The following MAK16 variants were observed in gnomAD, a reference collection of about 807,000 sequenced individuals.
MAK16 encodes protein MAK16 homolog.
MAK16 carries 12 observed loss-of-function variants against 49.9 expected under a neutral mutation model. That is an observed-to-expected ratio of 0.24 (90% CI 0.15 to 0.39). MAK16 has a LOEUF of 0.39. MAK16 is among the 10% of genes least tolerant of loss of function. The pLI is 1.00. For synonymous variants in MAK16, 115 were observed against 126.4 expected (o/e 0.91, Z 0.60); for missense variants, 292 against 363.7 (o/e 0.80, Z 1.60).
intron 6 of MAK16, among the ~76,000 whole-genome samples, chr8:33,492,864 G>GT (rs936895112): frequency 3.6e-4 from 53 of 147,484 alleles, no homozygotes; most frequent in Non-Finnish European, 4.7e-4. Context: ...TTTTTTTGTT[G>GT]TTTTTTTTTG....
chr8:33,495,478 C>A, intron 6 of MAK16, 64 bp from the exon 7 acceptor site: 1 of 1,370,880 alleles, frequency 7.3e-7, no homozygotes, highest in Non-Finnish European at 1.0e-6. Flanking sequence ...TAGTTTCTTC[C>A]ATTTTTATAA....
In MAK16 at chr8:33,489,069, A is replaced by G; in HGVS notation, c.322A>G (p.Lys108Glu). Residue 108 changes from lysine (K) to glutamate (E), a missense_variant, in exon 5 of 10, where the codon AAA becomes GAA. By Grantham distance (56) the Lys-to-Glu change is moderately conservative. Transcript: ENST00000360128. The surrounding 1 kb of genome is among the most constrained non-coding windows in gnomAD (Gnocchi z 4.2). ...TTACTGGCCCCGTTTCATTCGACAC[A>G]AATGTAAGCAGAGATTCACCAAGAT... is the stretch of plus-strand genomic sequence containing the variant. Reference protein sequence around the residue: ...LIYWPRFIRHKCKQRFTKITQ... With the variant: ...LIYWPRFIRHECKQRFTKITQ... 1 of 1,614,072 alleles carries G rather than the reference A, an allele frequency of 6.2e-7. No individual in the cohort carries two copies. The highest frequency in any genetic ancestry group is 8.5e-7 in the Non-Finnish European group (1 of 1,179,908).
rs983899729 is a variant in MAK16, at chr8:33,495,473, T to C, written c.448-69T>C. On this transcript the variant is annotated intron_variant, in intron 6 of 9. Coordinates refer to ENST00000360128, the MANE Select transcript of MAK16 (RefSeq NM_032509.4). The stretch of plus-strand genomic sequence containing the variant: ...CTTTCTTATAAACAACTTGGTAGTT[T>C]CTTCCATTTTTATAAGATGAGTAAT... The C allele has an allele frequency of 1.2e-4, 160 of 1,308,326 alleles. No homozygotes were observed. In the Middle Eastern group the frequency reaches 5.1e-3, roughly 42 times the overall value. 81.0% of individuals were successfully genotyped at this position (1,308,326 alleles called of 1,614,324 possible).
chr8:33,489,093 A>C lies in MAK16; in HGVS notation c.346A>C (p.Ile116Leu). The change falls in exon 5 of 10, where the codon ATC becomes CTC. Residue 116 changes from isoleucine (I) to leucine (L), a missense_variant. Transcript: ENST00000360128. This position sits in a 1 kb window ranked among gnomAD's most constrained non-coding sequence, Gnocchi z 4.2. ...RHKCKQRFTK[I>L]TQYLIRIRKL... ...CAAATGTAAGCAGAGATTCACCAAG[A>C]TCACCCAATACCTAATTCGAATTAG... 1 of 1,614,054 alleles carries C rather than the reference A, an allele frequency of 6.2e-7. No individual in the cohort carries two copies. The highest frequency in any genetic ancestry group is 8.5e-7 in the Non-Finnish European group (1 of 1,179,876).
At position 33,489,001 on chromosome 8, in the gene MAK16, A is replaced by C; in HGVS notation, c.254A>C (p.Lys85Thr). 1 of 1,614,174 alleles carries C rather than the reference A, an allele frequency of 6.2e-7. No individual in the cohort carries two copies. The highest frequency in any genetic ancestry group is 8.5e-7 in the Non-Finnish European group (1 of 1,180,038). ...RRLWERVRLSKNYEKALEQID... is the reference protein window; with the variant it reads ...RRLWERVRLSTNYEKALEQID... ...TCTGTTTGGTAGGTCCGGCTTAGTA[A>C]AAACTATGAGAAAGCACTGGAGCAA... Residue 85 changes from lysine to threonine, a missense_variant, in exon 5 of 10, where the codon AAA (lysine) becomes ACA (threonine). Coordinates refer to ENST00000360128, the MANE Select transcript of MAK16 (RefSeq NM_032509.4). The surrounding 1 kb of genome is among the most constrained non-coding windows in gnomAD (Gnocchi z 4.2).
chr8:33,489,915 G>T lies in MAK16; in HGVS notation c.393-370G>T, dbSNP rs147342044. On this transcript the variant is annotated intron_variant, in intron 5 of 9. Coordinates refer to ENST00000360128, the MANE Select transcript of MAK16 (RefSeq NM_032509.4). The surrounding 1 kb of genome is among the most constrained non-coding windows in gnomAD (Gnocchi z 4.2). The stretch of plus-strand genomic sequence containing the variant: ...CTAAAGATGATGTCAGACTTCGACA[G>T]AAAATTCTTTTTTCTTAGTTCACTG... 2.6e-3 allele frequency among the ~76,000 whole-genome samples: 394 copies of T among 152,296 alleles called. No individual in the cohort carries two copies. Among genetic ancestry groups the T allele is most frequent in the Middle Eastern group, 0.01 (3 of 294 alleles).
chr8:33,486,395 A>G (rs1808687622), intron 1 of MAK16, among the ~76,000 whole-genome samples: 1 of 152,158 alleles, frequency 6.6e-6, no homozygotes, highest in South Asian at 2.1e-4. Flanking sequence ...TCTACAAAAA[A>G]TAAAAAATTA....
chr8:33,500,224 A>G lies in MAK16; in HGVS notation c.*1595A>G. 1 of 1,375,464 alleles carries G rather than the reference A, an allele frequency of 7.3e-7. No homozygotes were observed. Among genetic ancestry groups the G allele is most frequent in the Non-Finnish European group, 1.0e-6 (1 of 983,910 alleles). 85.2% of individuals were successfully genotyped at this position (1,375,464 alleles called of 1,614,324 possible). On this transcript the variant is annotated 3_prime_UTR_variant, in exon 10 of 10. Transcript: ENST00000360128. Reference sequence around the variant, plus strand: ...TGGAGATCTAAAACCCTCCATGTTCATTTCCAGACTTGGTCAGGCACATAC... The same window carrying G: ...TGGAGATCTAAAACCCTCCATGTTCGTTTCCAGACTTGGTCAGGCACATAC...
intron 6 of MAK16, 86 bp from the exon 7 acceptor site, chr8:33,495,456 T>TAA: frequency 8.8e-7 from 1 of 1,140,846 alleles, no homozygotes; most frequent in East Asian, 2.6e-5. Context: ...GTCTTTCTTA[T>TAA]AAACAACTTG....
chr8:33,486,180 G>T (rs1241013888), intron 1 of MAK16, among the ~76,000 whole-genome samples: 1 of 152,162 alleles, frequency 6.6e-6, no homozygotes, highest in Non-Finnish European at 1.5e-5. Context: ...AATGATCTAT[G>T]TTTGTGAAAA....
chr8:33,498,779 G>A lies in MAK16; in HGVS notation c.*150G>A. 2.8e-6 allele frequency: 2 copies of A among 708,348 alleles called. No homozygotes were observed. Among genetic ancestry groups the A allele is most frequent in the South Asian group, 4.0e-5 (2 of 50,430 alleles). 43.9% of individuals were successfully genotyped at this position (708,348 alleles called of 1,614,324 possible). A position where few individuals can be genotyped will look rare whatever the true frequency, so the allele number is the denominator to read the frequency against. Reference sequence around the variant, plus strand: ...TTTTTATTATTTATGCCACGTCAGTGGGGCAAGAAATCTGGAGTGAGTGAA... The same window carrying A: ...TTTTTATTATTTATGCCACGTCAGTAGGGCAAGAAATCTGGAGTGAGTGAA... On this transcript the variant is annotated 3_prime_UTR_variant, in exon 10 of 10. Coordinates refer to ENST00000360128, the MANE Select transcript of MAK16 (RefSeq NM_032509.4).
chr8:33,498,667 A>G lies in MAK16; in HGVS notation c.*38A>G, dbSNP rs1808934799. ...CATTTATACCCAGGACTGAACATGC[A>G]GAACTGTTTTTTTTTTTTTTTTATC... On this transcript the variant is annotated 3_prime_UTR_variant, in exon 10 of 10. Coordinates refer to ENST00000360128, the MANE Select transcript of MAK16 (RefSeq NM_032509.4). 1 of 1,484,490 alleles carries G rather than the reference A, an allele frequency of 6.7e-7. No homozygotes were observed. Among genetic ancestry groups the G allele is most frequent in the Middle Eastern group, 2.2e-4 (1 of 4,482 alleles). The allele number at this position is 1,484,490 out of a possible 1,614,324, so 92.0% of individuals were successfully genotyped here. A position where few individuals can be genotyped will look rare whatever the true frequency, so the allele number is the denominator to read the frequency against.
Position 33,496,725 on chromosome 8 carries a change from A to C in MAK16, c.623A>C (p.Asp208Ala). 6.2e-7 allele frequency: 1 copy of C among 1,610,364 alleles called. No individual in the cohort carries two copies. Among genetic ancestry groups the C allele is most frequent in the Non-Finnish European group, 8.5e-7 (1 of 1,178,138 alleles). Residue 208 changes from aspartate (D) to alanine (A), a missense_variant, in exon 8 of 10, where the codon GAT becomes GCT. Physicochemically the swap from Asp to Ala is moderately radical, Grantham distance 126 (BLOSUM62 -2). Transcript: ENST00000360128. ...TCAGATACTGAGGAAAAAGATGATGATGATGATGATGAGGAAGTAAGTCTT... is the reference window on the plus strand; with the variant it reads ...TCAGATACTGAGGAAAAAGATGATGCTGATGATGATGAGGAAGTAAGTCTT... ...DSSDTEEKDD[D>A]DDDEEDVGKR...
At position 33,500,470 on chromosome 8, in the gene MAK16, A is replaced by G. The variant is rs1042446597; in HGVS notation, c.*1841A>G. 7 of 1,614,014 alleles carry G rather than the reference A, an allele frequency of 4.3e-6. No homozygotes were observed. The highest frequency in any genetic ancestry group is 4.0e-5 in the African/African-American group (3 of 74,920). Reference sequence around the variant, plus strand: ...CAGTTTCAAGAGGGCCTTCAGTAAGACCACAAGTCTGCAGGAAACTCTGGA... The same window carrying G: ...CAGTTTCAAGAGGGCCTTCAGTAAGGCCACAAGTCTGCAGGAAACTCTGGA... On this transcript the variant is annotated 3_prime_UTR_variant, in exon 10 of 10. Coordinates refer to ENST00000360128, the MANE Select transcript of MAK16 (RefSeq NM_032509.4).
At chr8:33,488,275 A>G in intron 1 of MAK16, 103 bp from the exon 2 acceptor site, 1 of 1,253,972 alleles carries the variant, frequency 8.0e-7, no homozygotes, top group South Asian at 1.2e-5. Context: ...ATTTTACAAA[A>G]CATTTCTTCC....
At position 33,485,262 on chromosome 8, in the gene MAK16, A is replaced by G. The variant is rs1160507767; in HGVS notation, c.15+41A>G. ...TTGTTCTTACACCCGGGGTTTGCGC[A>G]GGGAATTTTGCCCATTTTCGGACAC... On this transcript the variant is annotated intron_variant, in intron 1 of 9. Transcript: ENST00000360128. The G allele has an allele frequency of 1.9e-6, 3 of 1,613,974 alleles. No individual in the cohort carries two copies. The Admixed American group carries it at 5.0e-5, about 27-fold the overall frequency.
At chr8:33,490,459 A>C in intron 6 of MAK16, 120 bp downstream of exon 6, 1 of 658,902 alleles carries the variant, frequency 1.5e-6, no homozygotes, top group Non-Finnish European at 2.6e-6. Context: ...CTAATAGATA[A>C]CTATTAGTTG....
Position 33,490,279 on chromosome 8 carries a change from C to T in MAK16, c.393-6C>T. The T allele has an allele frequency of 6.2e-7, 1 of 1,610,354 alleles. No homozygotes were observed. Among genetic ancestry groups the T allele is most frequent in the Non-Finnish European group, 8.5e-7 (1 of 1,177,018 alleles). On this transcript the variant is annotated splice_polypyrimidine_tract_variant and splice_region_variant and intron_variant, in intron 5 of 9. Coordinates refer to ENST00000360128, the MANE Select transcript of MAK16 (RefSeq NM_032509.4). ...TGGATTTTCTGATATATTTTCTTTC[C>T]CTTAGGAGGAAACTTGTTCCTTTGA...
chr8:33,487,465 G>A (rs572336460), intron 1 of MAK16, among the ~76,000 whole-genome samples: 4 of 148,160 alleles, frequency 2.7e-5, no homozygotes, highest in East Asian at 2.0e-4. Flanking sequence ...TCACTCTGTC[G>A]CCCAGGCTGG....
Sources: gnomAD v4.1 joint callset for allele counts (sites outside exome capture counted in the v4.1 genomes callset) on GRCh38, gnomAD v4.1.1 for gene constraint, Gnocchi (gnomAD v3.1) non-coding constraint, MANE v1.5 for transcripts, NCBI Gene and HGNC (gene_info 2026-07-23, HGNC 2026-07-21) for gene names.